AIDA: variants seen among roughly 807,000 people sequenced by gnomAD.
AIDA encodes axin interactor, dorsalization associated.
A neutral mutation model predicts 42.7 loss-of-function variants in AIDA; 18 were observed. The ratio of observed to expected loss-of-function variants is 0.42; its 90% CI spans 0.29 to 0.63. The LOEUF (loss-of-function observed/expected upper bound fraction) is 0.63. AIDA is among the 20% of genes least tolerant of loss of function. AIDA has a pLI of 0.19. For missense variants in AIDA, 250 were observed against 354.1 expected, an observed-to-expected ratio of 0.71 and a Z score of 2.36; for synonymous variants, 104 against 122.9, an observed-to-expected ratio of 0.85 and a Z score of 1.02.
chr1:222,683,644 T>G (rs1302557940), intron 6 of AIDA, among the ~76,000 whole-genome samples: 1 of 152,224 alleles, frequency 6.6e-6, no homozygotes, highest in Non-Finnish European at 1.5e-5. Context: ...TGTGTAAAGT[T>G]GTGTCTTGGC....
chr1:222,709,630 T>C (rs1392595611), intron 1 of AIDA, among the ~76,000 whole-genome samples: 1 of 151,816 alleles, frequency 6.6e-6, no homozygotes, highest in Non-Finnish European at 1.5e-5. Flanking sequence ...AACAAAGACC[T>C]GAAGGAGGTG....
At chr1:222,675,095 T>G (rs914853288) in intron 7 of AIDA, among the ~76,000 whole-genome samples, 1 of 152,204 alleles carries the variant, frequency 6.6e-6, no homozygotes, top group Non-Finnish European at 1.5e-5. Context: ...AATCCCTCTC[T>G]GTGGCAGAAT....
At chr1:222,689,552 T>C (rs191046247) in intron 4 of AIDA, among the ~76,000 whole-genome samples, 38 of 52,688 alleles carry the variant, frequency 7.2e-4, no homozygotes, top group South Asian at 2.1e-3. Flanking sequence ...TATATATACA[T>C]ATATATGTAT....
chr1:222,670,662 T>G (rs1313194566), intron 8 of AIDA, among the ~76,000 whole-genome samples: 1 of 152,196 alleles, frequency 6.6e-6, no homozygotes, highest in Non-Finnish European at 1.5e-5. Flanking sequence ...TAAGCTCGAA[T>G]TGTTTCCCTT....
chr1:222,687,496 A>G (rs35232840), intron 5 of AIDA, 99 bp downstream of exon 5: 2 of 1,011,158 alleles, frequency 2.0e-6, no homozygotes, highest in African/African-American at 1.7e-5. Context: ...GATGTCAATG[A>G]TATCAATAAT....
At chr1:222,670,861 G>C (rs993802002) in intron 8 of AIDA, among the ~76,000 whole-genome samples, 33 of 152,322 alleles carry the variant, frequency 2.2e-4, no homozygotes, top group African/African-American at 7.7e-4. Flanking sequence ...AGAAGACAAA[G>C]GTTCAAAGAG....
At chr1:222,677,923 A>AT (rs1186538208) in intron 6 of AIDA, among the ~76,000 whole-genome samples, 4 of 151,924 alleles carry the variant, frequency 2.6e-5, no homozygotes, top group Admixed American at 1.3e-4. Flanking sequence ...TTAAAAAAAA[A>AT]TTTTTTACAC....
intron 4 of AIDA, among the ~76,000 whole-genome samples, chr1:222,688,570 A>C (rs1208890608): frequency 6.6e-6 from 1 of 151,760 alleles, no homozygotes; most frequent in African/African-American, 2.4e-5. Context: ...ATTATTTTAG[A>C]GTGTACTTCT....
In AIDA at chr1:222,693,969, A is replaced by G. The variant is rs1301228875; in HGVS notation, c.235-126T>C. On this transcript the variant is annotated intron_variant, in intron 3 of 9. Transcript: ENST00000340020. Reference sequence around the variant, plus strand: ...CTTGCTTTCAAGGTAGAAAATGAAAAGTCCCAAACTGGTTTTTGTTTATTT... The same window carrying G: ...CTTGCTTTCAAGGTAGAAAATGAAAGGTCCCAAACTGGTTTTTGTTTATTT... The G allele has an allele frequency of 9.5e-6, 9 of 943,668 alleles. No individual in the cohort carries two copies. The East Asian group carries it at 1.8e-4, about 19-fold the overall frequency. The allele number at this position is 943,668 out of a possible 1,614,324, so 58.5% of individuals were successfully genotyped here. A position where few individuals can be genotyped will look rare whatever the true frequency, so the allele number is the denominator to read the frequency against.
At position 222,673,382 on chromosome 1, in the gene AIDA, T is replaced by C. The variant is rs1377073947; in HGVS notation, c.637A>G (p.Lys213Glu). 1 of 1,611,152 alleles carries C rather than the reference T, an allele frequency of 6.2e-7. No individual in the cohort carries two copies. Among genetic ancestry groups the C allele is most frequent in the Admixed American group, 1.7e-5 (1 of 59,780 alleles). Residue 213 changes from lysine (K) to glutamate (E), a missense_variant, in exon 8 of 10, where the codon AAA becomes GAA. Lys to Glu is a moderately conservative substitution (Grantham distance 56). Transcript: ENST00000340020. ...TTAAAATGAACATATGTATCTTCTT[T>C]TCTTGAAGCCACAGGAGTATCTTGC... ...PVQDTPVASRKEDTYVHFNVD... is the reference protein window; with the variant it reads ...PVQDTPVASREEDTYVHFNVD...
chr1:222,673,865 C>T (rs996812850), intron 7 of AIDA, among the ~76,000 whole-genome samples: 2 of 152,014 alleles, frequency 1.3e-5, no homozygotes, highest in African/African-American at 4.8e-5. Context: ...GGGTGGATCA[C>T]TTAAGGTCAG....
chr1:222,699,466 C>G (rs1348659813), intron 2 of AIDA, among the ~76,000 whole-genome samples: 1 of 152,152 alleles, frequency 6.6e-6, no homozygotes, highest in Non-Finnish European at 1.5e-5. Context: ...TGAAGGGAGA[C>G]GGAGACTTCC....
chr1:222,707,609 C>G (rs1655876924), intron 1 of AIDA, among the ~76,000 whole-genome samples: 1 of 152,174 alleles, frequency 6.6e-6, no homozygotes, highest in African/African-American at 2.4e-5. Context: ...TGTTGACATT[C>G]TATTAGGAAA....
At chr1:222,682,541 G>A (rs1664672615) in intron 6 of AIDA, among the ~76,000 whole-genome samples, 1 of 151,982 alleles carries the variant, frequency 6.6e-6, no homozygotes, top group South Asian at 2.1e-4. Context: ...ATTCAATCAG[G>A]TGTCTAAAAT....
intron 2 of AIDA, among the ~76,000 whole-genome samples, chr1:222,696,632 C>A (rs930270319): frequency 6.6e-6 from 1 of 152,182 alleles, no homozygotes; most frequent in African/African-American, 2.4e-5. Context: ...GGCAGACCAG[C>A]AATGCCTTCT....
intron 8 of AIDA, 114 bp from the exon 9 acceptor site, chr1:222,670,364 A>G: frequency 3.7e-6 from 3 of 803,292 alleles, no homozygotes; most frequent in Admixed American, 2.7e-5. Flanking sequence ...TAATTTGACA[A>G]AACAACTTGT....
At chr1:222,681,147 G>A (rs1172799939) in intron 6 of AIDA, among the ~76,000 whole-genome samples, 1 of 152,134 alleles carries the variant, frequency 6.6e-6, no homozygotes, top group Non-Finnish European at 1.5e-5. Flanking sequence ...CCCCAAACAA[G>A]CAAAGGCCAA....
intron 4 of AIDA, among the ~76,000 whole-genome samples, chr1:222,693,336 T>C (rs1050756128): frequency 2.0e-5 from 3 of 152,158 alleles, no homozygotes; most frequent in African/African-American, 7.2e-5. Context: ...ATCAAAACAT[T>C]TGAAGAAATT....
chr1:222,695,560 C>A (rs1655495851), intron 2 of AIDA, among the ~76,000 whole-genome samples: 1 of 152,036 alleles, frequency 6.6e-6, no homozygotes, highest in Non-Finnish European at 1.5e-5. Flanking sequence ...AGACTAAAGG[C>A]AACATCAATC....
Sources: allele counts gnomAD v4.1 joint callset (sites outside exome capture counted in the v4.1 genomes callset), GRCh38; gene constraint gnomAD v4.1.1; transcripts MANE v1.5; gene names NCBI Gene and HGNC (gene_info 2026-07-23, HGNC 2026-07-21).